FRMD4B: variants seen among roughly 807,000 people sequenced by gnomAD.
The protein encoded by FRMD4B is FERM domain containing 4B, also known as FERM domain-containing protein 4B.
A neutral mutation model predicts 141.5 loss-of-function variants in FRMD4B; 74 were observed. That is an observed-to-expected ratio of 0.52 (90% CI 0.43 to 0.63). The LOEUF (loss-of-function observed/expected upper bound fraction) is 0.63, where lower values mean the gene tolerates loss of function less well. FRMD4B is among the 30% of genes least tolerant of loss of function. The pLI, the probability that FRMD4B is intolerant of heterozygous loss-of-function variation, is 0.00. For missense variants in FRMD4B, 1,366 were observed against 1,253.4 expected, an observed-to-expected ratio of 1.09 and a Z score of -1.36; for synonymous variants, 506 against 467.9, an observed-to-expected ratio of 1.08 and a Z score of -1.05.
At chr3:69,366,926 G>A (rs559292425) in intron 1 of FRMD4B, among the ~76,000 whole-genome samples, 68 of 151,690 alleles carry the variant, frequency 4.5e-4, no homozygotes, top group Non-Finnish European at 4.6e-4. Flanking sequence ...TTGCCACTAT[G>A]CCCGACTAAT....
chr3:69,174,205 CA>C (rs1207023341), intron 22 of FRMD4B, among the ~76,000 whole-genome samples: 3 of 150,848 alleles, frequency 2.0e-5, no homozygotes, highest in Non-Finnish European at 3.0e-5. Flanking sequence ...AAAAGCCTCT[CA>C]AAAAAAACTT....
intron 5 of FRMD4B, among the ~76,000 whole-genome samples, chr3:69,261,520 A>G (rs9878971): frequency 0.025 from 3,748 of 152,252 alleles, 142 homozygotes; most frequent in African/African-American, 0.083. Flanking sequence ...TCTCCAAGTA[A>G]TATTTTTGTG....
In FRMD4B at chr3:69,345,652, G is replaced by C. The variant is rs144868711; in HGVS notation, c.163-32135C>G. On this transcript the variant is annotated intron_variant, in intron 1 of 22. Coordinates refer to ENST00000398540, the MANE Select transcript of FRMD4B (RefSeq NM_015123.3). ...TGAGACAAAGCCAAAGAAACGATCA[G>C]GCAGCAACATTTGCTGTTGAGCAAT... 4.1e-3 allele frequency among the ~76,000 whole-genome samples: 624 copies of C among 152,304 alleles called. 3 individuals carry two copies. The highest frequency in any genetic ancestry group is 0.013 in the African/African-American group (557 of 41,570).
Position 69,216,360 on chromosome 3 carries a change from A to G in FRMD4B, c.790-11T>C. On this transcript the variant is annotated splice_polypyrimidine_tract_variant and intron_variant, in intron 10 of 22. Coordinates refer to ENST00000398540, the MANE Select transcript of FRMD4B (RefSeq NM_015123.3). ...AAGTCCTTGCTTATCCTAGAAGATG[A>G]AAAAGCATGAGAACCAAGACCTAGC... is the stretch of plus-strand genomic sequence containing the variant. The G allele has an allele frequency of 7.1e-7, 1 of 1,418,222 alleles. No homozygotes were observed. Among genetic ancestry groups the G allele is most frequent in the South Asian group, 1.2e-5 (1 of 82,332 alleles). 87.9% of individuals were successfully genotyped at this position (1,418,222 alleles called of 1,614,324 possible).
intron 4 of FRMD4B, among the ~76,000 whole-genome samples, chr3:69,298,024 A>G (rs1296092733): frequency 6.6e-6 from 1 of 152,146 alleles, no homozygotes; most frequent in Non-Finnish European, 1.5e-5. Context: ...TATGTTTCTG[A>G]GCTGCTCCCT....
chr3:69,239,937 C>A (rs1020662644), intron 7 of FRMD4B, among the ~76,000 whole-genome samples: 1 of 151,986 alleles, frequency 6.6e-6, no homozygotes, highest in African/African-American at 2.4e-5. Flanking sequence ...CCTGTAATCC[C>A]AGCTATTCAG....
At chr3:69,446,783 T>G (rs1705417129) in intron 1 of FRMD4B, among the ~76,000 whole-genome samples, 1 of 152,194 alleles carries the variant, frequency 6.6e-6, no homozygotes, top group Non-Finnish European at 1.5e-5. Context: ...CCACAACTAG[T>G]TTAGAATCTC....
chr3:69,448,995 C>T (rs928571766), intron 1 of FRMD4B, among the ~76,000 whole-genome samples: 2 of 152,130 alleles, frequency 1.3e-5, no homozygotes, highest in Admixed American at 6.5e-5. Context: ...ATTTTGTAGA[C>T]GATGGGCTCA....
intron 13 of FRMD4B, 88 bp downstream of exon 13, chr3:69,196,812 G>GTGCT (rs2092911045): frequency 2.0e-6 from 2 of 996,820 alleles, no homozygotes; most frequent in Admixed American, 5.9e-5. Flanking sequence ...AAAAATATAT[G>GTGCT]TGCTTGCATC....
intron 2 of FRMD4B, among the ~76,000 whole-genome samples, chr3:69,425,315 G>A (rs1340263381): frequency 1.3e-5 from 2 of 152,170 alleles, no homozygotes; most frequent in Non-Finnish European, 2.9e-5. Flanking sequence ...ACAAGAAACA[G>A]AAGCTAGAGA....
chr3:69,182,578 T>C lies in FRMD4B; in HGVS notation c.2039+20A>G, dbSNP rs2092718713. Reference sequence around the variant, plus strand: ...GCAAAAATCAAGACAGCTAAAGCAATGAGAAAGAAGCTCTCTTACTCCAAG... The same window carrying C: ...GCAAAAATCAAGACAGCTAAAGCAACGAGAAAGAAGCTCTCTTACTCCAAG... On this transcript the variant is annotated intron_variant, in intron 20 of 22. Coordinates refer to ENST00000398540, the MANE Select transcript of FRMD4B (RefSeq NM_015123.3). 1.3e-6 allele frequency: 2 copies of C among 1,586,066 alleles called. No homozygotes were observed. Among genetic ancestry groups the C allele is most frequent in the East Asian group, 2.2e-5 (1 of 44,480 alleles).
intron 5 of FRMD4B, among the ~76,000 whole-genome samples, chr3:69,280,858 A>C (rs1351740120): frequency 6.6e-6 from 1 of 152,122 alleles, no homozygotes; most frequent in South Asian, 2.1e-4. Flanking sequence ...AGTTCAAGCA[A>C]TCTGCCCACC....
chr3:69,472,498 C>A, intron 1 of FRMD4B: 1 of 319,156 alleles, frequency 3.1e-6, no homozygotes, highest in South Asian at 3.1e-5. Flanking sequence ...TCTTTCAAAG[C>A]TTTGGATTCC....
chr3:69,174,374 CAACAT>C (rs1244510169), intron 22 of FRMD4B, among the ~76,000 whole-genome samples: 4 of 152,040 alleles, frequency 2.6e-5, no homozygotes, highest in African/African-American at 9.7e-5. Context: ...ATTTCATGTA[CAACAT>C]AAGATGTAAA....
chr3:69,256,091 G>A (rs994667108), intron 5 of FRMD4B, among the ~76,000 whole-genome samples: 36 of 145,352 alleles, frequency 2.5e-4, no homozygotes, highest in African/African-American at 8.4e-4. Flanking sequence ...GGTGAGACCT[G>A]TCCTTAAAAA....
In FRMD4B at chr3:69,541,788, T is replaced by TCCCCC. The variant is rs1559557878; in HGVS notation, c.-129+417_-129+418insGGGGG. Among the ~76,000 whole-genome samples the TCCCCC allele has an allele frequency of 3.7e-5, 5 of 135,874 alleles. No individual in the cohort carries two copies. In the East Asian group the frequency reaches 7.0e-4, roughly 19 times the overall value. 89.1% of individuals were successfully genotyped at this position (135,874 alleles called of 152,430 possible). Reference sequence around the variant, plus strand: ...AGTGTCCTCTGCTAACTCCAGGGATTTCCCCCCCCTCTTTTCGCTGCCTTT... The same window carrying TCCCCC: ...AGTGTCCTCTGCTAACTCCAGGGATTCCCCCTCCCCCCCCTCTTTTCGCTGCCTTT... On this transcript the variant is annotated intron_variant, in intron 1 of 5. Coordinates refer to the FRMD4B transcript ENST00000459638.
intron 5 of FRMD4B, among the ~76,000 whole-genome samples, chr3:69,255,541 T>C (rs1458613711): frequency 1.5e-4 from 23 of 151,696 alleles, no homozygotes; most frequent in South Asian, 4.2e-4. Context: ...CAAGACCCCA[T>C]CTCTTAAAAA....
chr3:69,242,021 T>A (rs879308420), intron 7 of FRMD4B, among the ~76,000 whole-genome samples: 1 of 152,200 alleles, frequency 6.6e-6, no homozygotes, highest in South Asian at 2.1e-4. Flanking sequence ...CAGCTACAAA[T>A]CTCAGTTTTC....
rs994136512 is a variant in FRMD4B at position 69,411,814 on chromosome 3, G to A, written c.-1+20820C>T. On this transcript the variant is annotated intron_variant, in intron 2 of 5. Transcript: ENST00000459638. ...TCACCACGCACTTCTTAAAGTGGAA[G>A]ATTTCCGAGGTCCTTGCTTTTGAAC... Among the ~76,000 whole-genome samples, 3 of 152,188 alleles carry A rather than the reference G, an allele frequency of 2.0e-5. No individual in the cohort carries two copies. The East Asian group carries it at 5.8e-4, about 29-fold the overall frequency.
Sources: allele counts gnomAD v4.1 joint callset (sites outside exome capture counted in the v4.1 genomes callset), GRCh38; gene constraint gnomAD v4.1.1; transcripts MANE v1.5; gene names NCBI Gene and HGNC (gene_info 2026-07-23, HGNC 2026-07-21).